RNASEL: variants seen among roughly 807,000 people sequenced by gnomAD.
The protein encoded by RNASEL is ribonuclease L, also known as 2-5A-dependent ribonuclease.
A neutral mutation model predicts 50.9 loss-of-function variants in RNASEL; 36 were observed. The observed-to-expected ratio is 0.71, with a 90% CI of 0.54 to 0.93. The LOEUF (loss-of-function observed/expected upper bound fraction) is 0.93. Among genes scored for constraint, RNASEL ranks in the 40% least tolerant of loss-of-function variants. RNASEL has a pLI of 0.00. For missense variants in RNASEL, 860 were observed against 894.5 expected (o/e 0.96, Z 0.49); for synonymous variants, 335 against 335.6 (o/e 1.00, Z 0.02).
chr1:182,584,201 C>T lies in RNASEL; in HGVS notation c.1481-35G>A, dbSNP rs752963369. 8 of 1,336,352 alleles carry T rather than the reference C, an allele frequency of 6.0e-6. No homozygotes were observed. In the Admixed American group the frequency reaches 1.2e-4, roughly 20 times the overall value. The allele number at this position is 1,336,352 out of a possible 1,614,324, so 82.8% of individuals were successfully genotyped here. A position where few individuals can be genotyped will look rare whatever the true frequency, so the allele number is the denominator to read the frequency against. ...AGTTTGCAGAGGCACATTGAAAATA[C>T]TCATTCTCCATAAAGTGAGAGTCAA... On this transcript the variant is annotated intron_variant, in intron 2 of 6. Coordinates refer to ENST00000367559, the MANE Select transcript of RNASEL (RefSeq NM_021133.4).
At chr1:182,577,910 G>A (rs1661420672) in intron 5 of RNASEL, among the ~76,000 whole-genome samples, 1 of 152,180 alleles carries the variant, frequency 6.6e-6, no homozygotes, top group African/African-American at 2.4e-5. Flanking sequence ...AGTAAGTGGT[G>A]CTGGGAAAAT....
At chr1:182,579,438 G>C (rs748454707) in intron 5 of RNASEL, 3 of 997,428 alleles carry the variant, frequency 3.0e-6, no homozygotes, top group Non-Finnish European at 3.6e-6. Context: ...ACTGATGAAA[G>C]AGCAATGCTA....
chr1:182,576,187 A>T, intron 6 of RNASEL, 69 bp downstream of exon 6: 1 of 1,518,976 alleles, frequency 6.6e-7, no homozygotes, highest in Non-Finnish European at 9.0e-7. Flanking sequence ...GTAGATATAA[A>T]CTTAGAATTG....
chr1:182,586,085 G>A lies in RNASEL; in HGVS notation c.722C>T (p.Thr241Ile), dbSNP rs1661590112. The A allele has an allele frequency of 6.2e-7, 1 of 1,614,122 alleles. No individual in the cohort carries two copies. The highest frequency in any genetic ancestry group is 8.5e-7 in the Non-Finnish European group (1 of 1,180,022). The part of the protein sequence containing the change: ...DVNVRGERGK[T>I]PLILAVEKKH... ...CTTCTCCACTGCCAGGATCAGGGGA[G>A]TCTTCCCTCTTTCTCCCCTCACATT... Residue 241 changes from threonine (T) to isoleucine (I), a missense_variant, in exon 2 of 7, where the codon ACT becomes ATT. Physicochemically the swap from Thr to Ile is moderately conservative, Grantham distance 89 (BLOSUM62 -1). Coordinates refer to ENST00000367559, the MANE Select transcript of RNASEL (RefSeq NM_021133.4).
At position 182,586,752 on chromosome 1, in the gene RNASEL, T is replaced by C. The variant is rs773895110; in HGVS notation, c.55A>G (p.Arg19Gly). The C allele has an allele frequency of 1.9e-6, 3 of 1,614,260 alleles. No individual in the cohort carries two copies. Among genetic ancestry groups the C allele is most frequent in the East Asian group, 4.5e-5 (2 of 44,890 alleles). The change falls in exon 2 of 7, where the codon AGA becomes GGA. Residue 19 changes from arginine to glycine, a missense_variant. Coordinates refer to ENST00000367559, the MANE Select transcript of RNASEL (RefSeq NM_021133.4). ...PQEGPTSSSG[R>G]RAAVEDNHLL... ...TGATTGTCTTCCACTGCAGCCCTTC[T>C]ACCGCTGGAGGACGTGGGTCCCTCC... is the stretch of plus-strand genomic sequence containing the variant.
At chr1:182,576,121 A>G (rs982530518) in intron 6 of RNASEL, 135 bp downstream of exon 6, 1 of 838,616 alleles carries the variant, frequency 1.2e-6, no homozygotes, top group Non-Finnish European at 1.9e-6. Context: ...GCCCTTTTAC[A>G]CACAGAGGGA....
chr1:182,586,468 A>G lies in RNASEL; in HGVS notation c.339T>C (p.Ser113=), dbSNP rs36061971. The G allele has an allele frequency of 1.7e-3, 2,718 of 1,613,674 alleles. 42 individuals carry two copies. The African/African-American group carries it at 0.03, about 18-fold the overall frequency. The part of the protein sequence containing the change: ...GSVKLLKLFL[S]KGADVNECDF... ...CACACTCATTGACATCTGCTCCTTT[A>G]GAAAGGAAAAGTTTCAGCAGCTTCA... is the stretch of plus-strand genomic sequence containing the variant. The change falls in exon 2 of 7, where the codon TCT becomes TCC. Residue 113 remains serine, a synonymous_variant. Coordinates refer to ENST00000367559, the MANE Select transcript of RNASEL (RefSeq NM_021133.4).
intron 4 of RNASEL, 43 bp from the exon 5 acceptor site, chr1:182,581,400 C>A (rs753526867): frequency 6.2e-7 from 1 of 1,612,482 alleles, no homozygotes; most frequent in Non-Finnish European, 8.5e-7. Flanking sequence ...ATCATCCCAT[C>A]CCTCCCTTTC....
At position 182,582,108 on chromosome 1, in the gene RNASEL, C is replaced by A; in HGVS notation, c.1717G>T (p.Val573Leu). Residue 573 changes from valine to leucine, a missense_variant, in exon 4 of 7, where the codon GTG becomes TTG. Transcript: ENST00000367559. ...AGCAGGTCACTCAGACAGTCCCTCA[C>A]ATGTTCCCCAGGATGGAAGAGACGA... is the stretch of plus-strand genomic sequence containing the variant. ...IHRLFHPGEH[V>L]RDCLSDLLGH... The A allele has an allele frequency of 1.2e-6, 2 of 1,614,220 alleles. No homozygotes were observed. The highest frequency in any genetic ancestry group is 1.7e-5 in the Admixed American group (1 of 60,030).
In RNASEL at chr1:182,586,501, C is replaced by G. The variant is rs200161417; in HGVS notation, c.306G>C (p.Ala102=). The change falls in exon 2 of 7, where the codon GCG becomes GCC. Residue 102 remains alanine (A), a synonymous_variant. Coordinates refer to ENST00000367559, the MANE Select transcript of RNASEL (RefSeq NM_021133.4). ...GATPFILAAI[A]GSVKLLKLFL... Reference sequence around the variant, plus strand: ...AAAGTTTCAGCAGCTTCACGCTCCCCGCAATCGCTGCGAGGATAAAAGGCG... The same window carrying G: ...AAAGTTTCAGCAGCTTCACGCTCCCGGCAATCGCTGCGAGGATAAAAGGCG... 6.3e-5 allele frequency: 101 copies of G among 1,611,754 alleles called. No individual in the cohort carries two copies. The East Asian group carries it at 1.5e-3, about 24-fold the overall frequency.
chr1:182,585,816 G>A lies in RNASEL; in HGVS notation c.991C>T (p.Pro331Ser), dbSNP rs1017270992. 6.2e-7 allele frequency: 1 copy of A among 1,613,776 alleles called. No individual in the cohort carries two copies. Among genetic ancestry groups the A allele is most frequent in the Non-Finnish European group, 8.5e-7 (1 of 1,179,964 alleles). Residue 331 changes from proline to serine, a missense_variant, in exon 2 of 7, where the codon CCT becomes TCT. By Grantham distance (74) the Pro-to-Ser change is moderately conservative. Coordinates refer to ENST00000367559, the MANE Select transcript of RNASEL (RefSeq NM_021133.4). ...LSHGAKEDFH[P>S]PAEDWKPQSS... is the part of the protein sequence containing the mutation. ...TGAGGCTTCCAGTCTTCAGCAGGAG[G>A]GTGAAAATCTTCTTTGGCTCCATGA...
intron 2 of RNASEL, among the ~76,000 whole-genome samples, 153 bp from the exon 3 acceptor site, chr1:182,584,319 C>T (rs1431831943): frequency 6.6e-6 from 1 of 152,196 alleles, no homozygotes; most frequent in Non-Finnish European, 1.5e-5. Context: ...ATTCACCCCT[C>T]AAAACACTGC....
At chr1:182,585,132 T>C (rs548743108) in intron 2 of RNASEL, among the ~76,000 whole-genome samples, 195 bp downstream of exon 2, 48 of 152,340 alleles carry the variant, frequency 3.2e-4, no homozygotes, top group African/African-American at 1.1e-3. Flanking sequence ...CCAACCTTCA[T>C]GTAGACTAAC....
intron 5 of RNASEL, chr1:182,577,112 T>G (rs1273093622): frequency 6.6e-6 from 1 of 151,120 alleles, no homozygotes; most frequent in Non-Finnish European, 1.5e-5. Context: ...CTCAAACTCC[T>G]GACCTCGTGA....
At chr1:182,578,021 C>G (rs897504278) in intron 5 of RNASEL, 11 of 152,080 alleles carry the variant, frequency 7.2e-5, no homozygotes, top group Non-Finnish European at 2.9e-5. Flanking sequence ...AGACCTGAAA[C>G]TATAAAAATA....
chr1:182,586,013 T>G lies in RNASEL; in HGVS notation c.794A>C (p.Glu265Ala), dbSNP rs763991302. Residue 265 changes from glutamate (E) to alanine (A), a missense_variant, in exon 2 of 7, where the codon GAG becomes GCG. Glu to Ala is a moderately radical substitution (Grantham distance 107). Coordinates refer to ENST00000367559, the MANE Select transcript of RNASEL (RefSeq NM_021133.4). ...VQRLLEQEHI[E>A]INDTDSDGKT... Reference sequence around the variant, plus strand: ...GCCATCACTGTCTGTGTCATTAATCTCTATGTGCTCTTGCTCCAGAAGCCT... The same window carrying G: ...GCCATCACTGTCTGTGTCATTAATCGCTATGTGCTCTTGCTCCAGAAGCCT... 3.1e-6 allele frequency: 5 copies of G among 1,614,100 alleles called. No homozygotes were observed. In the East Asian group the frequency reaches 1.1e-4, roughly 36 times the overall value.
chr1:182,585,624 A>G lies in RNASEL; in HGVS notation c.1183T>C (p.Cys395Arg). 2 of 1,614,212 alleles carry G rather than the reference A, an allele frequency of 1.2e-6. No homozygotes were observed. Among genetic ancestry groups the G allele is most frequent in the Non-Finnish European group, 1.7e-6 (2 of 1,180,038 alleles). The change falls in exon 2 of 7, where the codon TGT becomes CGT. Residue 395 changes from cysteine to arginine, a missense_variant. Physicochemically the swap from Cys to Arg is radical, Grantham distance 180 (BLOSUM62 -3). Transcript: ENST00000367559. ...EKQEVAVKTFCEGSPRAQREV... is the reference protein window; with the variant it reads ...EKQEVAVKTFREGSPRAQREV... ...CGCTGTGCACGTGGGCTGCCCTCAC[A>G]GAACGTCTTCACAGCTACTTCTTGC... is the stretch of plus-strand genomic sequence containing the variant.
In RNASEL at chr1:182,574,839, CTGAATGAA is replaced by C; in HGVS notation, c.*545_*552del. On this transcript the variant is annotated 3_prime_UTR_variant, in exon 7 of 7. Transcript: ENST00000367559. ...ACTTATACTAGATGCTCAATAAATA[CTGAATGAA>C]TGAATGAGATTCCTGGAACCCCTAT... 4.2e-6 allele frequency: 1 copy of C among 236,080 alleles called. No individual in the cohort carries two copies. Among genetic ancestry groups the C allele is most frequent in the East Asian group, 6.0e-5 (1 of 16,558 alleles). 14.6% of individuals were successfully genotyped at this position (236,080 alleles called of 1,614,324 possible).
chr1:182,584,259 AATC>A (rs1661551762), intron 2 of RNASEL, 93 bp from the exon 3 acceptor site: 1 of 866,070 alleles, frequency 1.2e-6, no homozygotes, highest in African/African-American at 1.7e-5. Context: ...ATGCTATAAA[AATC>A]ATCATCTCTG....
Sources: gnomAD v4.1 joint callset for allele counts (sites outside exome capture counted in the v4.1 genomes callset) on GRCh38, gnomAD v4.1.1 for gene constraint, MANE v1.5 for transcripts, NCBI Gene and HGNC (gene_info 2026-07-23, HGNC 2026-07-21) for gene names.